FGF14: variants seen among roughly 807,000 people sequenced by gnomAD.
The protein encoded by FGF14 is fibroblast growth factor 14, also known as fibroblast growth factor homologous factor 4.
FGF14 carries 5 observed loss-of-function variants against 25.5 expected under a neutral mutation model. The ratio of observed to expected loss-of-function variants is 0.20; its 90% CI spans 0.10 to 0.41. The LOEUF (loss-of-function observed/expected upper bound fraction) is 0.41. FGF14 is among the 10% of genes least tolerant of loss of function. The pLI, the probability that FGF14 is intolerant of heterozygous loss-of-function variation, is 1.00. For synonymous variants in FGF14, 138 were observed against 118.3 expected, an observed-to-expected ratio of 1.17 and a Z score of -1.08; for missense variants, 222 against 320.1, an observed-to-expected ratio of 0.69 and a Z score of 2.34.
At position 102,161,631 on chromosome 13, in the gene FGF14, G is replaced by GTC. The variant is rs1566764757; in HGVS notation, c.208+239839_208+239840insGA. On this transcript the variant is annotated intron_variant, in intron 1 of 4. Transcript: ENST00000376131. ...AGAAGAAGAAGAAGAAGAAGAAGAA[G>GTC]AAGAAGAAGAAGAAGAAGAAGAAGA... 8.9e-3 allele frequency among the ~76,000 whole-genome samples: 59 copies of GTC among 6,642 alleles called. 4 individuals are homozygous for GTC. The highest frequency in any genetic ancestry group is 0.046 in the African/African-American group (54 of 1,186). 4.4% of individuals were successfully genotyped at this position (6,642 alleles called of 152,430 possible).
intron 2 of FGF14, among the ~76,000 whole-genome samples, chr13:101,871,518 G>A (rs977768505): frequency 6.6e-6 from 1 of 152,054 alleles, no homozygotes; most frequent in African/African-American, 2.4e-5. Context: ...CAAGTTACCA[G>A]GTTGAGCATT....
chr13:101,937,559 C>T (rs61965220), intron 1 of FGF14, among the ~76,000 whole-genome samples: 15,675 of 152,190 alleles, frequency 0.1, 934 homozygotes, highest in East Asian at 0.2. Context: ...CTGCTAGCAT[C>T]CAGATCTATG....
intron 1 of FGF14, among the ~76,000 whole-genome samples, chr13:101,926,984 G>T (rs531438558): frequency 6.6e-6 from 1 of 152,142 alleles, no homozygotes; most frequent in Non-Finnish European, 1.5e-5. Context: ...TCAGGAAAAA[G>T]AATTATTTCA....
At chr13:102,184,776 A>T (rs2048812752) in intron 1 of FGF14, among the ~76,000 whole-genome samples, 1 of 152,182 alleles carries the variant, frequency 6.6e-6, no homozygotes, top group Admixed American at 6.6e-5. Flanking sequence ...TCAGAAAGAA[A>T]TTTGGTAATG....
At chr13:101,728,466 C>G (rs775017302) in intron 3 of FGF14, among the ~76,000 whole-genome samples, 3 of 152,062 alleles carry the variant, frequency 2.0e-5, no homozygotes, top group Non-Finnish European at 4.4e-5. Context: ...TGAGAGTCCA[C>G]TGAGTCAATG....
chr13:101,971,200 T>G (rs146162948), intron 1 of FGF14, among the ~76,000 whole-genome samples: 21 of 152,254 alleles, frequency 1.4e-4, no homozygotes, highest in African/African-American at 5.1e-4. Context: ...ATACAGAAAT[T>G]TCTGTATGCA....
intron 1 of FGF14, among the ~76,000 whole-genome samples, chr13:101,925,847 G>T (rs2034325001): frequency 6.6e-6 from 1 of 152,190 alleles, no homozygotes; most frequent in South Asian, 2.1e-4. Context: ...AAGTCATGAT[G>T]TCTGCAGAGC....
intron 1 of FGF14, among the ~76,000 whole-genome samples, chr13:102,344,692 T>A (rs2057051053): frequency 6.6e-6 from 1 of 152,324 alleles, no homozygotes; most frequent in Admixed American, 6.5e-5. Flanking sequence ...ATCATTGCCC[T>A]CTCAAGGACA....
chr13:102,392,443 T>G (rs866179622), intron 1 of FGF14, among the ~76,000 whole-genome samples: 2 of 152,180 alleles, frequency 1.3e-5, no homozygotes, highest in South Asian at 2.1e-4. Flanking sequence ...TTTTTCCCAG[T>G]CCTAAGGATT....
intron 1 of FGF14, among the ~76,000 whole-genome samples, chr13:102,134,294 G>GA (rs919843652): frequency 6.6e-5 from 10 of 151,850 alleles, no homozygotes; most frequent in African/African-American, 1.5e-4. Flanking sequence ...CATTGCTTAG[G>GA]AAAAAAAATC....
intron 1 of FGF14, among the ~76,000 whole-genome samples, chr13:102,145,864 A>G (rs1336371713): frequency 2.0e-5 from 3 of 152,190 alleles, no homozygotes; most frequent in Non-Finnish European, 4.4e-5. Flanking sequence ...TGCAAGAGAT[A>G]TGAAATCCAT....
At chr13:102,318,041 T>C (rs918202506) in intron 1 of FGF14, among the ~76,000 whole-genome samples, 1 of 152,322 alleles carries the variant, frequency 6.6e-6, no homozygotes, top group South Asian at 2.1e-4. Flanking sequence ...TTATTCATCA[T>C]GTTACCATCA....
chr13:102,098,099 T>C (rs7323216), intron 1 of FGF14, among the ~76,000 whole-genome samples: 58,874 of 152,120 alleles, frequency 0.39, 13,505 homozygotes, highest in Non-Finnish European at 0.51. Context: ...CCTGTACACC[T>C]GTGATTGGAC....
At chr13:101,919,398 T>C (rs1310814558), upstream of FGF14, among the ~76,000 whole-genome samples, 1 of 151,816 alleles carries the variant, frequency 6.6e-6, no homozygotes, top group Non-Finnish European at 1.5e-5. Flanking sequence ...TAGTTTATTT[T>C]TAAAGGTTCT....
At chr13:102,157,250 T>A (rs1302432527) in intron 1 of FGF14, among the ~76,000 whole-genome samples, 3 of 152,146 alleles carry the variant, frequency 2.0e-5, no homozygotes, top group Non-Finnish European at 4.4e-5. Flanking sequence ...CTACCTGACT[T>A]CAAACTATAC....
chr13:102,148,520 A>C (rs1181357465), intron 1 of FGF14, among the ~76,000 whole-genome samples: 2 of 152,202 alleles, frequency 1.3e-5, no homozygotes, highest in African/African-American at 4.8e-5. Context: ...TATAAAATAC[A>C]TTCGATGGCC....
chr13:101,716,655 A>C lies in FGF14; in HGVS notation c.*6176T>G, dbSNP rs1445193933. 3.3e-5 allele frequency: 5 copies of C among 152,096 alleles called. No homozygotes were observed. The highest frequency in any genetic ancestry group is 1.2e-4 in the African/African-American group (5 of 41,426). 9.4% of individuals were successfully genotyped at this position (152,096 alleles called of 1,614,324 possible). On this transcript the variant is annotated 3_prime_UTR_variant, in exon 5 of 5. Coordinates refer to ENST00000376143, the MANE Select transcript of FGF14 (RefSeq NM_004115.4). ...TGAGTTACATATAAAATGGGCCTGA[A>C]GTATGCATCCATTTCCCTTAAAATA...
intron 1 of FGF14, among the ~76,000 whole-genome samples, chr13:102,345,324 A>G (rs2057072757): frequency 1.3e-5 from 2 of 152,254 alleles, no homozygotes; most frequent in Non-Finnish European, 2.9e-5. Context: ...ATGTGTGGAT[A>G]GCACCTATTT....
At chr13:101,792,158 A>C (rs894232094) in intron 3 of FGF14, among the ~76,000 whole-genome samples, 1 of 152,152 alleles carries the variant, frequency 6.6e-6, no homozygotes, top group Non-Finnish European at 1.5e-5. Context: ...CAAGTAGAAT[A>C]AGTGAAGAAA....
Sources: gnomAD v4.1 joint callset for allele counts (sites outside exome capture counted in the v4.1 genomes callset) on GRCh38, gnomAD v4.1.1 for gene constraint, MANE v1.5 for transcripts, NCBI Gene and HGNC (gene_info 2026-07-23, HGNC 2026-07-21) for gene names.